CALN1: variants seen among roughly 807,000 people sequenced by gnomAD.
CALN1 encodes calcium-binding protein 8.
Under a neutral mutation model 30.6 loss-of-function variants are expected in CALN1, and 17 were observed. The observed-to-expected ratio is 0.56, with a 90% confidence interval of 0.38 to 0.83. The LOEUF is 0.83. Among genes scored for constraint, CALN1 ranks in the 40% least tolerant of loss-of-function variants. The pLI, the probability that CALN1 is intolerant of heterozygous loss-of-function variation, is 0.00. For synonymous variants in CALN1, 156 were observed against 131.4 expected, an observed-to-expected ratio of 1.19 and a Z score of -1.28; for missense variants, 291 against 354.9, an observed-to-expected ratio of 0.82 and a Z score of 1.45.
chr7:72,091,764 C>T (rs1805879902), intron 4 of CALN1, among the ~76,000 whole-genome samples: 1 of 152,212 alleles, frequency 6.6e-6, no homozygotes, highest in South Asian at 2.1e-4. Flanking sequence ...CACTCAACTC[C>T]ACCAAATTAT....
At chr7:71,990,451 T>G (rs1443221330) in intron 5 of CALN1, among the ~76,000 whole-genome samples, 1 of 152,090 alleles carries the variant, frequency 6.6e-6, no homozygotes, top group Non-Finnish European at 1.5e-5. Context: ...GGTGTAGCCA[T>G]TCTTTAATTC....
chr7:72,265,537 T>G (rs756875644), intron 3 of CALN1, among the ~76,000 whole-genome samples: 22 of 152,120 alleles, frequency 1.4e-4, no homozygotes, highest in Non-Finnish European at 1.5e-5. Flanking sequence ...GTTAACTCAT[T>G]TAGTTATCTG....
intron 3 of CALN1, among the ~76,000 whole-genome samples, chr7:72,176,499 G>C (rs889803478): frequency 1.3e-5 from 2 of 151,992 alleles, no homozygotes; most frequent in African/African-American, 4.8e-5. Context: ...ATGAGATCTG[G>C]TTATTAAAAA....
the CALN1 span, among the ~76,000 whole-genome samples, chr7:72,502,115 T>G: frequency 1.3e-5 from 2 of 149,332 alleles, no homozygotes; most frequent in Non-Finnish European, 3.0e-5. Context: ...AGTTACATGT[T>G]CATAACTGAA....
At chr7:72,151,550 A>T (rs568458270) in intron 3 of CALN1, among the ~76,000 whole-genome samples, 1 of 152,154 alleles carries the variant, frequency 6.6e-6, no homozygotes, top group African/African-American at 2.4e-5. Flanking sequence ...CACACGTCAC[A>T]TTCAGGAGTC....
chr7:72,503,182 T>G, the CALN1 span, among the ~76,000 whole-genome samples: 8 of 152,066 alleles, frequency 5.3e-5, no homozygotes, highest in Non-Finnish European at 1.2e-4. Flanking sequence ...ATTGTAAACC[T>G]CTGGCTATGA....
chr7:72,503,951 T>A, the CALN1 span, among the ~76,000 whole-genome samples: 1 of 152,142 alleles, frequency 6.6e-6, no homozygotes, highest in Non-Finnish European at 1.5e-5. Flanking sequence ...TTTGTATGAC[T>A]GCCCCTATTT....
At chr7:72,280,357 T>A (rs530189087) in intron 2 of CALN1, among the ~76,000 whole-genome samples, 14 of 152,210 alleles carry the variant, frequency 9.2e-5, no homozygotes, top group Admixed American at 9.2e-4. Context: ...GCTAACAGCA[T>A]GTACATCCAC....
intron 2 of CALN1, among the ~76,000 whole-genome samples, chr7:72,342,703 C>T (rs1182899262): frequency 6.6e-6 from 1 of 152,116 alleles, no homozygotes; most frequent in African/African-American, 2.4e-5. Flanking sequence ...CAAGTGCTAC[C>T]TTACCAGTGA....
At chr7:71,844,509 AT>A (rs1790119504) in intron 5 of CALN1, among the ~76,000 whole-genome samples, 1 of 152,242 alleles carries the variant, frequency 6.6e-6, no homozygotes, top group Admixed American at 6.5e-5. Flanking sequence ...AGTCATTTCA[AT>A]TGGAACAAAT....
At chr7:71,814,259 C>T (rs576527132) in intron 5 of CALN1, among the ~76,000 whole-genome samples, 4 of 152,270 alleles carry the variant, frequency 2.6e-5, no homozygotes, top group Admixed American at 2.6e-4. Context: ...GGTGGTTGGC[C>T]TGACCCTGGT....
At chr7:72,499,885 CTT>C in the CALN1 span, among the ~76,000 whole-genome samples, 16 of 59,860 alleles carry the variant, frequency 2.7e-4, no homozygotes, top group African/African-American at 4.3e-4. Flanking sequence ...TTCTTTCTTT[CTT>C]TCTTTCTTTC....
intron 2 of CALN1, among the ~76,000 whole-genome samples, chr7:72,355,785 T>C (rs1036342720): frequency 6.6e-6 from 1 of 152,184 alleles, no homozygotes; most frequent in Admixed American, 6.5e-5. Context: ...GGCTGAGTGG[T>C]TGACTCCATC....
intron 5 of CALN1, among the ~76,000 whole-genome samples, chr7:71,894,559 C>T (rs1337115782): frequency 6.6e-6 from 1 of 152,202 alleles, no homozygotes; most frequent in Non-Finnish European, 1.5e-5. Context: ...GCATGAGCCA[C>T]CATACCCAGC....
chr7:71,881,467 C>A (rs779737773), intron 5 of CALN1, among the ~76,000 whole-genome samples: 8 of 152,210 alleles, frequency 5.3e-5, no homozygotes, highest in Non-Finnish European at 1.0e-4. Flanking sequence ...CTGGCACCTT[C>A]TCATTGTCCC....
At chr7:71,794,830 C>CCTGAAGG (rs60773299) in intron 6 of CALN1, among the ~76,000 whole-genome samples, 1 of 151,962 alleles carries the variant, frequency 6.6e-6, no homozygotes, top group African/African-American at 2.4e-5. Context: ...CTCACCTTTC[C>CCTGAAGG]CTTCCTGCAA....
intron 2 of CALN1, among the ~76,000 whole-genome samples, chr7:72,320,818 G>C (rs1412528260): frequency 1.7e-5 from 2 of 120,650 alleles, no homozygotes; most frequent in African/African-American, 6.4e-5. Context: ...CTGGGCGACA[G>C]AGCGAGACTC....
intron 3 of CALN1, among the ~76,000 whole-genome samples, chr7:72,192,879 C>A (rs1264746705): frequency 7.0e-6 from 1 of 143,644 alleles, no homozygotes; most frequent in Non-Finnish European, 1.5e-5. Context: ...CCCATTTCTA[C>A]CAAAAACTTT....
chr7:71,968,328 A>C (rs1797627193), intron 5 of CALN1, among the ~76,000 whole-genome samples: 1 of 152,208 alleles, frequency 6.6e-6, no homozygotes, highest in Non-Finnish European at 1.5e-5. Flanking sequence ...CATTTTGAAA[A>C]ATGCAAAACT....
Sources: allele counts gnomAD v4.1 joint callset (sites outside exome capture counted in the v4.1 genomes callset), GRCh38; gene constraint gnomAD v4.1.1; transcripts MANE v1.5; gene names NCBI Gene and HGNC (gene_info 2026-07-23, HGNC 2026-07-21).